The following DGKZ variants were observed in gnomAD, a reference collection of about 807,000 sequenced individuals.
DGKZ encodes diacylglycerol kinase zeta.
Under a neutral mutation model 142.5 loss-of-function variants are expected in DGKZ, and 45 were observed. The observed-to-expected ratio is 0.32, with a 90% CI of 0.25 to 0.40. DGKZ has a LOEUF of 0.40. Ranked by LOEUF, DGKZ falls within the 10% of genes least tolerant of loss-of-function variation. The probability of loss-of-function intolerance (pLI) is 1.00; values close to 1 mark genes in which losing one functional copy is unlikely to be tolerated. For synonymous variants in DGKZ, 442 were observed against 527.0 expected (o/e 0.84, Z 2.21); for missense variants, 755 against 1,306.5 (o/e 0.58, Z 6.51).
chr11:46,342,861 TG>T (rs1327481296), upstream of DGKZ, among the ~76,000 whole-genome samples: 2 of 152,184 alleles, frequency 1.3e-5, no homozygotes, highest in Non-Finnish European at 2.9e-5. Flanking sequence ...CGGTGGCTCA[TG>T]CCTGTAATCC....
At chr11:46,373,190 T>C in intron 14 of DGKZ, 89 bp downstream of exon 14, 1 of 1,414,054 alleles carries the variant, frequency 7.1e-7, no homozygotes, top group Non-Finnish European at 9.4e-7. Flanking sequence ...ACCTCGGGCG[T>C]GTCTCTTCAT....
At chr11:46,351,505 C>T (rs1416002726) in intron 1 of DGKZ, among the ~76,000 whole-genome samples, 2 of 152,180 alleles carry the variant, frequency 1.3e-5, no homozygotes, top group East Asian at 3.9e-4. Context: ...AGAAGCAGCC[C>T]CTGTTTGAGT....
rs11822150 is a variant in DGKZ, at chr11:46,371,640, C to T, written c.759+37C>T. On this transcript the variant is annotated intron_variant, in intron 8 of 30. Coordinates refer to ENST00000527911, the Ensembl canonical transcript of DGKZ. ...CTGCACCCTTGATGCCCCGTACGCACTTGGGGTCTGCCAGCTACCCCAGCC... is the reference window on the plus strand; with the variant it reads ...CTGCACCCTTGATGCCCCGTACGCATTTGGGGTCTGCCAGCTACCCCAGCC... 2,201 of 1,613,560 alleles carry T rather than the reference C, an allele frequency of 1.4e-3. 18 individuals are homozygous for T. The African/African-American group carries it at 0.027, about 20-fold the overall frequency.
chr11:46,347,505 T>G lies in DGKZ; in HGVS notation c.-155T>G. On this transcript the variant is annotated 5_prime_UTR_variant, in exon 1 of 31. Coordinates refer to ENST00000527911, the Ensembl canonical transcript of DGKZ. The surrounding 1 kb of genome is among the most constrained non-coding windows in gnomAD (Gnocchi z 6.4). ...CGGCGGCAGCGGCTTCCCGGGCACC[T>G]GGGCGTGGGGAGCGGGGGCGCGCGG... The G allele has an allele frequency of 1.0e-6, 1 of 981,496 alleles. No homozygotes were observed. The highest frequency in any genetic ancestry group is 1.2e-6 in the Non-Finnish European group (1 of 828,828). 60.8% of individuals were successfully genotyped at this position (981,496 alleles called of 1,614,324 possible).
intron 5 of DGKZ, 118 bp downstream of exon 5, chr11:46,369,668 G>T (rs75463289): frequency 0.014 from 19,046 of 1,375,832 alleles, 177 homozygotes; most frequent in Middle Eastern, 0.021. Flanking sequence ...TGCTCACTGA[G>T]GTCTGTCTGA....
chr11:46,367,220 G>T lies in DGKZ; in HGVS notation c.162-71G>T. On this transcript the variant is annotated intron_variant, in intron 1 of 30. Transcript: ENST00000527911. The surrounding 1 kb of genome is among the most constrained non-coding windows in gnomAD (Gnocchi z 4.1). Reference sequence around the variant, plus strand: ...TGCCGAGGTCACGGAAAGGGCAGAGGCCCCAGGAGGTGGGAGGAAGTAGGG... The same window carrying T: ...TGCCGAGGTCACGGAAAGGGCAGAGTCCCCAGGAGGTGGGAGGAAGTAGGG... 6 of 1,417,176 alleles carry T rather than the reference G, an allele frequency of 4.2e-6. No individual in the cohort carries two copies. The highest frequency in any genetic ancestry group is 5.8e-6 in the Non-Finnish European group (6 of 1,025,734). 87.8% of individuals were successfully genotyped at this position (1,417,176 alleles called of 1,614,324 possible).
In DGKZ at chr11:46,376,218, C is replaced by G. The variant is rs539892617; in HGVS notation, c.2091+73C>G. The stretch of plus-strand genomic sequence containing the variant: ...AGTGAGGCCAGGCCTCTTCCTCCCG[C>G]AGCCAGCTCGCCCTGCGGAGCCTCC... On this transcript the variant is annotated intron_variant, in intron 22 of 30. Coordinates refer to ENST00000527911, the Ensembl canonical transcript of DGKZ. 212 of 1,606,768 alleles carry G rather than the reference C, an allele frequency of 1.3e-4. 3 individuals are homozygous for G. In the South Asian group the frequency reaches 2.1e-3, roughly 16 times the overall value.
exon 25 of DGKZ, chr11:46,377,191 C>T: frequency 6.2e-7 from 1 of 1,600,198 alleles, no homozygotes; most frequent in African/African-American, 1.3e-5. Flanking sequence ...CTCCCCACCT[C>T]ACCCTGCTCA....
chr11:46,354,115 C>G (rs1353448218), intron 1 of DGKZ, among the ~76,000 whole-genome samples: 1 of 152,212 alleles, frequency 6.6e-6, no homozygotes, highest in Non-Finnish European at 1.5e-5. Context: ...CCTGAGGGCC[C>G]TGAAAGGGTG....
chr11:46,352,338 G>A (rs1941495227), intron 1 of DGKZ, among the ~76,000 whole-genome samples: 1 of 152,156 alleles, frequency 6.6e-6, no homozygotes. Flanking sequence ...AGGCCGGTGG[G>A]CGAGGAGCTT....
At position 46,367,082 on chromosome 11, in the gene DGKZ, C is replaced by A; in HGVS notation, c.162-209C>A. On this transcript the variant is annotated intron_variant, in intron 1 of 30. Transcript: ENST00000527911. The surrounding 1 kb of genome is among the most constrained non-coding windows in gnomAD (Gnocchi z 4.1). ...GCTCTGCCTGGCTGAGGGTTCCCCA[C>A]TTGGGAACACTCTGGGCAGTACCCT... 1.4e-6 allele frequency: 2 copies of A among 1,391,560 alleles called. No individual in the cohort carries two copies. Among genetic ancestry groups the A allele is most frequent in the Non-Finnish European group, 1.9e-6 (2 of 1,036,202 alleles). The allele number at this position is 1,391,560 out of a possible 1,614,324, so 86.2% of individuals were successfully genotyped here.
intron 1 of DGKZ, among the ~76,000 whole-genome samples, chr11:46,353,980 G>C (rs1941709532): frequency 6.6e-6 from 1 of 152,212 alleles, no homozygotes; most frequent in African/African-American, 2.4e-5. Flanking sequence ...AGAGAGGCGG[G>C]GGCGGTTGTG....
intron 1 of DGKZ, among the ~76,000 whole-genome samples, chr11:46,354,676 A>G (rs1413503272): frequency 6.6e-6 from 1 of 152,240 alleles, no homozygotes; most frequent in East Asian, 1.9e-4. Context: ...GGAGGAAACC[A>G]CAATTCTGAT....
At chr11:46,377,912 G>C in intron 25 of DGKZ, 1 of 517,946 alleles carries the variant, frequency 1.9e-6, no homozygotes, top group Non-Finnish European at 3.5e-6. Context: ...CCCCTCTGCA[G>C]GGGTGCCACA....
Position 46,371,793 on chromosome 11 carries a change from C to G in DGKZ, c.831+18C>G. On this transcript the variant is annotated intron_variant, in intron 9 of 30. Coordinates refer to ENST00000527911, the Ensembl canonical transcript of DGKZ. ...GGCCTGAGGTCAGCCCCAGGCTGGG[C>G]AGAGGCTGCAGGGGAGCAGGAGAGA... 1 of 1,610,054 alleles carries G rather than the reference C, an allele frequency of 6.2e-7. No homozygotes were observed. The highest frequency in any genetic ancestry group is 8.5e-7 in the Non-Finnish European group (1 of 1,178,120).
At chr11:46,376,214 C>G in intron 22 of DGKZ, 69 bp downstream of exon 22, 1 of 1,606,472 alleles carries the variant, frequency 6.2e-7, no homozygotes, top group Non-Finnish European at 8.5e-7. Flanking sequence ...GCCTCTTCCT[C>G]CCGCAGCCAG....
chr11:46,345,341 T>C (rs537076318), upstream of DGKZ: 5 of 1,388,330 alleles, frequency 3.6e-6, no homozygotes, highest in African/African-American at 6.1e-5. The surrounding 1 kb of genome is among the most constrained non-coding windows in gnomAD (Gnocchi z 4.1). Context: ...CAGCGGCCTC[T>C]AGCAGGCCCC....
At chr11:46,336,746 G>C (rs996037250) in intron 1 of DGKZ, among the ~76,000 whole-genome samples, 3 of 152,080 alleles carry the variant, frequency 2.0e-5, no homozygotes, top group Non-Finnish European at 4.4e-5. Flanking sequence ...GTAGGGATGG[G>C]GTTTCGCCGT....
chr11:46,356,239 C>T lies in DGKZ; in HGVS notation c.161+8419C>T, dbSNP rs571245721. On this transcript the variant is annotated intron_variant, in intron 1 of 30. Coordinates refer to ENST00000527911, the Ensembl canonical transcript of DGKZ. ...ATATATTGGCATTCCCATCAGGGATCGGTTTCAGTGTTGCCTCTGAGACAC... is the reference window on the plus strand; with the variant it reads ...ATATATTGGCATTCCCATCAGGGATTGGTTTCAGTGTTGCCTCTGAGACAC... Among the ~76,000 whole-genome samples the T allele has an allele frequency of 6.6e-5, 10 of 152,262 alleles. 1 individual carries two copies. The highest frequency in any genetic ancestry group is 1.0e-4 in the Non-Finnish European group (7 of 68,002).
Sources: gnomAD v4.1 joint callset for allele counts (sites outside exome capture counted in the v4.1 genomes callset) on GRCh38, gnomAD v4.1.1 for gene constraint, Gnocchi (gnomAD v3.1) non-coding constraint, MANE v1.5 for transcripts, NCBI Gene and HGNC (gene_info 2026-07-23, HGNC 2026-07-21) for gene names.